FHIP1A: variants seen among roughly 807,000 people sequenced by gnomAD.
FHIP1A encodes the protein FHF complex subunit HOOK interacting protein 1A.
FHIP1A carries 61 observed loss-of-function variants against 88.6 expected under a neutral mutation model. That is an observed-to-expected ratio of 0.69 (90% confidence interval 0.56 to 0.85). The LOEUF is 0.85. Among genes scored for constraint, FHIP1A ranks in the 40% least tolerant of loss-of-function variants. The pLI is 0.00. For synonymous variants in FHIP1A, 478 were observed against 496.0 expected, an observed-to-expected ratio of 0.96 and a Z score of 0.48; for missense variants, 1,154 against 1,273.5, an observed-to-expected ratio of 0.91 and a Z score of 1.43.
intron 3 of FHIP1A, among the ~76,000 whole-genome samples, chr4:151,491,666 T>G (rs1730287429): frequency 6.6e-6 from 1 of 151,894 alleles, no homozygotes; most frequent in Non-Finnish European, 1.5e-5. Flanking sequence ...TGAGCGTAAA[T>G]GACCTAAATG....
At chr4:151,435,854 GA>G (rs1467727038) in intron 1 of FHIP1A, among the ~76,000 whole-genome samples, 1 of 151,090 alleles carries the variant, frequency 6.6e-6, no homozygotes, top group Non-Finnish European at 1.5e-5. Context: ...TATCAAGTAA[GA>G]TTTTTTGGAA....
At chr4:151,611,053 G>A (rs757312614) in intron 7 of FHIP1A, among the ~76,000 whole-genome samples, 6 of 152,074 alleles carry the variant, frequency 3.9e-5, no homozygotes, top group Non-Finnish European at 8.8e-5. Flanking sequence ...TGTAGATATG[G>A]TAACTAGGTA....
At chr4:151,616,598 G>A (rs1468156809) in intron 7 of FHIP1A, among the ~76,000 whole-genome samples, 2 of 151,678 alleles carry the variant, frequency 1.3e-5, no homozygotes, top group Admixed American at 6.6e-5. Context: ...ACAGGTGCCC[G>A]CCACCACACC....
intron 3 of FHIP1A, among the ~76,000 whole-genome samples, chr4:151,504,607 G>A: frequency 1.5e-5 from 1 of 68,070 alleles, no homozygotes; most frequent in Non-Finnish European, 3.5e-5. Flanking sequence ...GTTATGTTAT[G>A]TCATGTTATG....
Position 151,577,506 on chromosome 4 carries a change from G to A in FHIP1A, c.162G>A (p.Gly54=). The change falls in exon 5 of 14, where the codon GGG becomes GGA. Residue 54 remains glycine, a synonymous_variant. Coordinates refer to ENST00000435205, the MANE Select transcript of FHIP1A (RefSeq NM_001109977.3). Reference sequence around the variant, plus strand: ...TGAAGAACACCCAGGCAAAATATGGGTCTATCCCTCCAGATGAGGCCAGTG... The same window carrying A: ...TGAAGAACACCCAGGCAAAATATGGATCTATCCCTCCAGATGAGGCCAGTG... ...DPLKNTQAKY[G]SIPPDEASAV... 1.9e-6 allele frequency: 3 copies of A among 1,551,458 alleles called. No homozygotes were observed. The highest frequency in any genetic ancestry group is 2.6e-6 in the Non-Finnish European group (3 of 1,146,820).
chr4:151,547,197 A>C (rs1732538448), intron 3 of FHIP1A, among the ~76,000 whole-genome samples: 1 of 151,344 alleles, frequency 6.6e-6, no homozygotes, highest in African/African-American at 2.4e-5. Flanking sequence ...TGTATGTGTG[A>C]GCAGTGGCAG....
Position 151,656,768 on chromosome 4 carries a change from A to G in FHIP1A, c.2739A>G (p.Ala913=). The change falls in exon 13 of 14, where the codon GCA becomes GCG. Residue 913 remains alanine, a synonymous_variant. Coordinates refer to ENST00000435205, the MANE Select transcript of FHIP1A (RefSeq NM_001109977.3). The surrounding 1 kb of genome is among the most constrained non-coding windows in gnomAD (Gnocchi z 4.2). ...PSVRSLYQVL[A]SVKNKIEQFA... is the part of the protein sequence containing the mutation. ...AATGCTGTTTTTGACAGGTCCTTGC[A>G]TCTGTGAAAAACAAGATTGAACAGT... 6.4e-7 allele frequency: 1 copy of G among 1,551,170 alleles called. No individual in the cohort carries two copies. Among genetic ancestry groups the G allele is most frequent in the Non-Finnish European group, 8.7e-7 (1 of 1,146,818 alleles).
chr4:151,660,429 A>ATGAATTTGGAAGAGAATGAG (rs1737413872), intron 13 of FHIP1A, among the ~76,000 whole-genome samples: 1 of 146,814 alleles, frequency 6.8e-6, no homozygotes, highest in Non-Finnish European at 1.5e-5. Flanking sequence ...AAGAGAATGA[A>ATGAATTTGGAAGAGAATGAG]TGAATTTGAA....
chr4:151,584,821 G>T (rs1166762415), intron 5 of FHIP1A, among the ~76,000 whole-genome samples: 1 of 151,970 alleles, frequency 6.6e-6, no homozygotes, highest in East Asian at 1.9e-4. Flanking sequence ...TTGAGCTTTT[G>T]TATATGCTGT....
At chr4:151,427,866 T>C (rs1193871110) in intron 1 of FHIP1A, among the ~76,000 whole-genome samples, 3 of 152,180 alleles carry the variant, frequency 2.0e-5, no homozygotes, top group Non-Finnish European at 4.4e-5. Context: ...TCTAAATCAT[T>C]GCAAGCCTCT....
chr4:151,527,886 AGTTG>A (rs1227775534), intron 3 of FHIP1A, among the ~76,000 whole-genome samples: 1 of 144,938 alleles, frequency 6.9e-6, no homozygotes, highest in African/African-American at 2.5e-5. Context: ...CACTCAATGA[AGTTG>A]GTTGTGATTC....
At chr4:151,486,312 G>T (rs185134424) in intron 3 of FHIP1A, among the ~76,000 whole-genome samples, 1 of 152,180 alleles carries the variant, frequency 6.6e-6, no homozygotes, top group East Asian at 1.9e-4. Context: ...CTTGTCCTTG[G>T]TCTCCTGAGC....
intron 5 of FHIP1A, among the ~76,000 whole-genome samples, chr4:151,581,565 A>G (rs1224516840): frequency 1.3e-5 from 2 of 152,208 alleles, no homozygotes; most frequent in South Asian, 2.1e-4. Context: ...GAGGGAAAAC[A>G]ACATCTCCAG....
chr4:151,596,852 G>A (rs548557011), intron 7 of FHIP1A, among the ~76,000 whole-genome samples: 2 of 152,128 alleles, frequency 1.3e-5, no homozygotes, highest in South Asian at 2.1e-4. Context: ...TGAAGTGCTC[G>A]TGTTGTGTTT....
intron 3 of FHIP1A, among the ~76,000 whole-genome samples, chr4:151,543,857 A>T (rs1224328876): frequency 6.6e-6 from 1 of 152,234 alleles, no homozygotes; most frequent in Admixed American, 6.5e-5. Context: ...ATTATGGCTT[A>T]AAAAAGACTT....
Position 151,668,732 on chromosome 4 carries a change from T to TC in FHIP1A, c.*5981dup, listed in dbSNP as rs1737753357. ...CAGTAAGCGAGCTTTTACTGAATACTCCCTCTGTTAGGTAGCATGCAGAGT... is the reference window on the plus strand; with the variant it reads ...CAGTAAGCGAGCTTTTACTGAATACTCCCCTCTGTTAGGTAGCATGCAGAGT... On this transcript the variant is annotated 3_prime_UTR_variant, in exon 14 of 14. Transcript: ENST00000435205. Among the ~76,000 whole-genome samples, 1 of 152,202 alleles carries TC rather than the reference T, an allele frequency of 6.6e-6. No homozygotes were observed. The highest frequency in any genetic ancestry group is 1.5e-5 in the Non-Finnish European group (1 of 68,040).
chr4:151,469,248 C>T (rs1319171440), intron 2 of FHIP1A, among the ~76,000 whole-genome samples: 5 of 152,278 alleles, frequency 3.3e-5, no homozygotes, highest in East Asian at 1.9e-4. Flanking sequence ...TCTACTCAGG[C>T]GTTACTGTAT....
chr4:151,597,025 G>A (rs2126822291), intron 7 of FHIP1A, among the ~76,000 whole-genome samples: 1 of 152,184 alleles, frequency 6.6e-6, no homozygotes, highest in African/African-American at 2.4e-5. Context: ...GCCTACTTCT[G>A]TCAATTTGTC....
At chr4:151,644,413 G>A (rs1736710388) in intron 9 of FHIP1A, among the ~76,000 whole-genome samples, 1 of 152,048 alleles carries the variant, frequency 6.6e-6, no homozygotes, top group African/African-American at 2.4e-5. Context: ...GTGCAGTGGT[G>A]TAGTCATAGC....
Sources: allele counts gnomAD v4.1 joint callset (sites outside exome capture counted in the v4.1 genomes callset), GRCh38; gene constraint gnomAD v4.1.1; non-coding constraint Gnocchi (gnomAD v3.1); transcripts MANE v1.5; gene names NCBI Gene and HGNC (gene_info 2026-07-23, HGNC 2026-07-21).